Variants in SULF1 observed in about 807,000 individuals in gnomAD.
The protein encoded by SULF1 is extracellular sulfatase Sulf-1.
SULF1 carries 46 observed loss-of-function variants against 110.5 expected under a neutral mutation model. That is an observed-to-expected ratio of 0.42 (90% CI 0.33 to 0.53). The LOEUF is 0.53. SULF1 is among the 20% of genes least tolerant of loss of function. The pLI, the probability that SULF1 is intolerant of heterozygous loss-of-function variation, is 0.12. For synonymous variants in SULF1, 371 were observed against 387.1 expected (o/e 0.96, Z 0.49); for missense variants, 941 against 1,094.2 (o/e 0.86, Z 1.98).
intron 3 of SULF1, among the ~76,000 whole-genome samples, chr8:69,545,784 C>T (rs1208463765): frequency 1.3e-5 from 2 of 152,194 alleles, no homozygotes; most frequent in Admixed American, 1.3e-4. Flanking sequence ...GCAACCTCCA[C>T]CTTCCAGGTT....
intron 3 of SULF1, among the ~76,000 whole-genome samples, chr8:69,557,616 A>T (rs370175905): frequency 1.3e-5 from 2 of 151,992 alleles, no homozygotes; most frequent in East Asian, 3.9e-4. Flanking sequence ...ACTTAAGTTT[A>T]TTTATTTCTA....
intron 15 of SULF1, among the ~76,000 whole-genome samples, chr8:69,625,784 G>T (rs1047810283): frequency 6.6e-6 from 1 of 152,144 alleles, no homozygotes; most frequent in Non-Finnish European, 1.5e-5. Flanking sequence ...AGTGTGGAAG[G>T]GGACCCAGGC....
intron 5 of SULF1, among the ~76,000 whole-genome samples, chr8:69,565,064 G>A (rs538740185): frequency 1.1e-4 from 16 of 152,252 alleles, no homozygotes; most frequent in South Asian, 4.2e-4. Context: ...AACTCTTCAC[G>A]CTGGCACTTG....
At chr8:69,479,550 A>G (rs917596245) in intron 1 of SULF1, among the ~76,000 whole-genome samples, 4 of 152,166 alleles carry the variant, frequency 2.6e-5, no homozygotes, top group African/African-American at 9.6e-5. Context: ...AAACTACTGA[A>G]TCTTATTTGT....
rs1487298533 is a variant in SULF1 at position 69,567,684 on chromosome 8, TG to T, written c.172+3538del. On this transcript the variant is annotated intron_variant, in intron 5 of 22. Transcript: ENST00000402687. The stretch of plus-strand genomic sequence containing the variant: ...TCAGAGTGTCCTTCCTTTTTAATGC[TG>T]AATAACTTTTCATTGCATATATGTA... Among the ~76,000 whole-genome samples the T allele has an allele frequency of 4.6e-5, 7 of 152,360 alleles. No homozygotes were observed. The East Asian group carries it at 1.3e-3, about 29-fold the overall frequency.
chr8:69,526,083 T>C (rs1051532037), intron 3 of SULF1, among the ~76,000 whole-genome samples: 5 of 152,168 alleles, frequency 3.3e-5, no homozygotes, highest in Admixed American at 2.6e-4. Context: ...CTAAGCAGAA[T>C]TGTAAAGTTT....
chr8:69,634,480 A>T (rs1283656413), intron 19 of SULF1, among the ~76,000 whole-genome samples: 2 of 152,200 alleles, frequency 1.3e-5, no homozygotes, highest in Non-Finnish European at 2.9e-5. Context: ...TTAAGAGCGT[A>T]AAAGTTGGCT....
Position 69,638,656 on chromosome 8 carries a change from T to C in SULF1, c.2427+12T>C. 1.2e-6 allele frequency: 2 copies of C among 1,612,240 alleles called. No homozygotes were observed. The highest frequency in any genetic ancestry group is 1.1e-5 in the South Asian group (1 of 90,584). On this transcript the variant is annotated intron_variant, in intron 20 of 22. Coordinates refer to ENST00000402687, the MANE Select transcript of SULF1 (RefSeq NM_001128205.2). ...CAGATCCTTATCAGGTAAGACAATATATGTTCATTTTATGAAGGTTGTTGA... is the reference window on the plus strand; with the variant it reads ...CAGATCCTTATCAGGTAAGACAATACATGTTCATTTTATGAAGGTTGTTGA...
chr8:69,603,466 T>C (rs1022352814), intron 11 of SULF1, 134 bp from the exon 12 acceptor site: 1 of 1,398,382 alleles, frequency 7.2e-7, no homozygotes, highest in Admixed American at 1.7e-5. Context: ...CAGCTGCTTG[T>C]GAATAGCATA....
At chr8:69,656,014 T>C (rs142547819) in intron 22 of SULF1, among the ~76,000 whole-genome samples, 1 of 152,374 alleles carries the variant, frequency 6.6e-6, no homozygotes, top group Non-Finnish European at 1.5e-5. Flanking sequence ...CTCTGGAAGA[T>C]TGCTGAAGAA....
At chr8:69,540,121 G>A (rs750356502) in intron 3 of SULF1, among the ~76,000 whole-genome samples, 10 of 152,182 alleles carry the variant, frequency 6.6e-5, no homozygotes, top group Non-Finnish European at 1.3e-4. Context: ...CAGCAGGATA[G>A]GGGATTAATC....
At chr8:69,506,370 A>G (rs1318626831) in intron 3 of SULF1, among the ~76,000 whole-genome samples, 1 of 152,186 alleles carries the variant, frequency 6.6e-6, no homozygotes, top group Non-Finnish European at 1.5e-5. Context: ...AATCACTTTC[A>G]CATGTGAGAC....
In SULF1 at chr8:69,660,766, T is replaced by C. The variant is rs1199306629; in HGVS notation, c.*2231T>C. The C allele has an allele frequency of 6.6e-6, 1 of 152,668 alleles. No homozygotes were observed. Among genetic ancestry groups the C allele is most frequent in the Non-Finnish European group, 1.5e-5 (1 of 68,042 alleles). 9.5% of individuals were successfully genotyped at this position (152,668 alleles called of 1,614,324 possible). A position where few individuals can be genotyped will look rare whatever the true frequency, so the allele number is the denominator to read the frequency against. ...CAAACATATTTATGATCATGAATAATGTGCTTTGTAAAAAGATTTCAAGTT... is the reference window on the plus strand; with the variant it reads ...CAAACATATTTATGATCATGAATAACGTGCTTTGTAAAAAGATTTCAAGTT... On this transcript the variant is annotated 3_prime_UTR_variant, in exon 23 of 23. Coordinates refer to ENST00000402687, the MANE Select transcript of SULF1 (RefSeq NM_001128205.2).
intron 2 of SULF1, among the ~76,000 whole-genome samples, chr8:69,498,524 G>T (rs1810548041): frequency 6.6e-6 from 1 of 152,122 alleles, no homozygotes; most frequent in African/African-American, 2.4e-5. Flanking sequence ...CACTCTGAGG[G>T]ATCCTGAAAC....
chr8:69,554,781 CATCCTGGCTAACATGGTG>C (rs1563525540), intron 3 of SULF1, among the ~76,000 whole-genome samples: 1 of 151,754 alleles, frequency 6.6e-6, no homozygotes. Flanking sequence ...AGATCGAGAC[CATCCTGGCTAACATGGTG>C]AAACCCCGTC....
intron 1 of SULF1, among the ~76,000 whole-genome samples, chr8:69,467,722 T>C (rs1278788012): frequency 6.6e-6 from 1 of 152,216 alleles, no homozygotes; most frequent in Non-Finnish European, 1.5e-5. Flanking sequence ...AGTCACTACA[T>C]TTATAGGTTT....
At chr8:69,471,147 A>G (rs1208683483) in intron 1 of SULF1, among the ~76,000 whole-genome samples, 1 of 152,174 alleles carries the variant, frequency 6.6e-6, no homozygotes, top group African/African-American at 2.4e-5. Context: ...CTGGTTATCT[A>G]TGGATTGCAC....
At chr8:69,501,734 A>C (rs997857456) in intron 2 of SULF1, 140 bp from the exon 3 acceptor site, 2 of 152,220 alleles carry the variant, frequency 1.3e-5, no homozygotes, top group African/African-American at 4.8e-5. Context: ...TGATTGTAAG[A>C]AAATCGGTCT....
upstream of SULF1, among the ~76,000 whole-genome samples, chr8:69,489,571 C>CTTTTTTTTTT (rs61391745): frequency 5.8e-4 from 53 of 91,950 alleles, no homozygotes; most frequent in Middle Eastern, 6.8e-3. Context: ...CTTTCTTTCT[C>CTTTTTTTTTT]TTTTTTTTTT....
Sources: allele counts gnomAD v4.1 joint callset (sites outside exome capture counted in the v4.1 genomes callset), GRCh38; gene constraint gnomAD v4.1.1; transcripts MANE v1.5; gene names NCBI Gene and HGNC (gene_info 2026-07-23, HGNC 2026-07-21).